The following APBB2 variants were observed in gnomAD, a reference collection of about 807,000 sequenced individuals.
The protein encoded by APBB2 is amyloid beta precursor protein binding family B member 2.
APBB2 carries 38 observed loss-of-function variants against 82.5 expected under a neutral mutation model. The observed-to-expected ratio is 0.46, with a 90% CI of 0.36 to 0.60. The LOEUF (loss-of-function observed/expected upper bound fraction) is 0.60. Among genes scored for constraint, APBB2 ranks in the 20% least tolerant of loss-of-function variants. The pLI, the probability that APBB2 is intolerant of heterozygous loss-of-function variation, is 0.00. For missense variants in APBB2, 772 were observed against 972.3 expected (o/e 0.79, Z 2.74); for synonymous variants, 341 against 368.2 (o/e 0.93, Z 0.85).
intron 12 of APBB2, among the ~76,000 whole-genome samples, chr4:40,865,358 A>G (rs1002042373): frequency 2.0e-5 from 3 of 152,208 alleles, no homozygotes; most frequent in African/African-American, 7.2e-5. Flanking sequence ...TCAGAAACTC[A>G]AGCTGAAACA....
At chr4:40,900,061 TA>T (rs1774832942) in intron 10 of APBB2, among the ~76,000 whole-genome samples, 3 of 152,174 alleles carry the variant, frequency 2.0e-5, no homozygotes, top group African/African-American at 7.2e-5. Context: ...TACCAGAACA[TA>T]TAACAACGTT....
At position 40,832,047 on chromosome 4, in the gene APBB2, CACACAT is replaced by C. The variant is rs1175110142; in HGVS notation, c.1530-1476_1530-1471del. 1.1e-4 allele frequency among the ~76,000 whole-genome samples: 17 copies of C among 151,624 alleles called. No individual in the cohort carries two copies. The highest frequency in any genetic ancestry group is 2.1e-4 in the South Asian group (1 of 4,808). On this transcript the variant is annotated intron_variant, in intron 12 of 17. Coordinates refer to ENST00000508593, the MANE Select transcript of APBB2 (RefSeq NM_004307.2). This position sits in a 1 kb window ranked among gnomAD's most constrained non-coding sequence, Gnocchi z 4.8. Reference sequence around the variant, plus strand: ...ACACACACACACACACACACACACACACACATATACACCAAGCTTTACCCATCTAGG... The same window carrying C: ...ACACACACACACACACACACACACACATACACCAAGCTTTACCCATCTAGG...
At chr4:40,849,383 T>C (rs539191461) in intron 12 of APBB2, among the ~76,000 whole-genome samples, 1 of 152,364 alleles carries the variant, frequency 6.6e-6, no homozygotes, top group African/African-American at 2.4e-5. Flanking sequence ...ACTAGATTCC[T>C]TCCTTGGAAC....
At chr4:40,898,154 CA>C (rs1774224619) in intron 10 of APBB2, among the ~76,000 whole-genome samples, 2 of 152,168 alleles carry the variant, frequency 1.3e-5, no homozygotes, top group South Asian at 4.1e-4. Flanking sequence ...ATAATAATGC[CA>C]CCTATACTTT....
chr4:41,114,433 A>G (rs1475697675), intron 2 of APBB2, among the ~76,000 whole-genome samples: 1 of 152,226 alleles, frequency 6.6e-6, no homozygotes, highest in Admixed American at 6.5e-5. Context: ...GCCCTCTCTC[A>G]TCACTCGTAT....
intron 3 of APBB2, among the ~76,000 whole-genome samples, chr4:41,066,675 G>A (rs1731971458): frequency 6.6e-6 from 1 of 152,208 alleles, no homozygotes; most frequent in Non-Finnish European, 1.5e-5. Flanking sequence ...CGATGGAAAA[G>A]GGAAAGGTAA....
intron 3 of APBB2, among the ~76,000 whole-genome samples, chr4:41,066,302 C>T (rs1470953415): frequency 1.3e-5 from 2 of 152,170 alleles, no homozygotes; most frequent in Non-Finnish European, 2.9e-5. Flanking sequence ...GTGACTCCTA[C>T]GCAGAAATTA....
intron 7 of APBB2, among the ~76,000 whole-genome samples, chr4:40,943,141 A>G (rs1346654745): frequency 6.6e-6 from 1 of 152,010 alleles, no homozygotes; most frequent in African/African-American, 2.4e-5. Flanking sequence ...AAGTGAGAAG[A>G]CCTCTGACCT....
At chr4:41,165,363 C>T (rs946646611) in intron 1 of APBB2, among the ~76,000 whole-genome samples, 19 of 152,158 alleles carry the variant, frequency 1.2e-4, no homozygotes, top group Admixed American at 1.1e-3. Context: ...AGTCAGAGGC[C>T]ACAGGTAGAA....
intron 6 of APBB2, among the ~76,000 whole-genome samples, chr4:40,981,678 C>G (rs1368498598): frequency 3.9e-5 from 6 of 152,140 alleles, no homozygotes; most frequent in Non-Finnish European, 7.4e-5. Flanking sequence ...GATGATGTAC[C>G]TCATGTGGTC....
chr4:40,991,446 A>G (rs951729551), intron 6 of APBB2, among the ~76,000 whole-genome samples: 2 of 152,168 alleles, frequency 1.3e-5, no homozygotes, highest in Admixed American at 6.5e-5. Flanking sequence ...AATTAAGACT[A>G]TAACTTTCAA....
rs1266611473 is a variant in APBB2, at chr4:40,810,100, A to G, written c.*5992T>C. 2 of 152,230 alleles carry G rather than the reference A, an allele frequency of 1.3e-5. No individual in the cohort carries two copies. Among genetic ancestry groups the G allele is most frequent in the Non-Finnish European group, 1.5e-5 (1 of 68,034 alleles). The allele number at this position is 152,230 out of a possible 1,614,324, so 9.4% of individuals were successfully genotyped here. A position where few individuals can be genotyped will look rare whatever the true frequency, so the allele number is the denominator to read the frequency against. On this transcript the variant is annotated 3_prime_UTR_variant, in exon 18 of 18. Transcript: ENST00000508593. ...TGTTACATAAATTCCTAAATGCTCA[A>G]TTCAGGTGGCATGATTTTTAGAATA...
At chr4:40,985,085 T>C (rs1248780929) in intron 6 of APBB2, among the ~76,000 whole-genome samples, 1 of 147,606 alleles carries the variant, frequency 6.8e-6, no homozygotes, top group Non-Finnish European at 1.5e-5. Context: ...ACCCAGCTAA[T>C]TTTTTTTTTT....
At chr4:41,175,486 T>A (rs956284565) in intron 1 of APBB2, among the ~76,000 whole-genome samples, 2 of 152,096 alleles carry the variant, frequency 1.3e-5, no homozygotes, top group Non-Finnish European at 2.9e-5. Flanking sequence ...CCACAAAAGA[T>A]TGGAAATAAA....
At chr4:41,138,116 G>A (rs1024096390) in intron 2 of APBB2, 3 of 152,212 alleles carry the variant, frequency 2.0e-5, no homozygotes, top group Non-Finnish European at 2.9e-5. Flanking sequence ...GCTGTGAGCC[G>A]AGATCACGTC....
At chr4:41,137,555 A>C (rs2154014722) in intron 2 of APBB2, among the ~76,000 whole-genome samples, 1 of 152,342 alleles carries the variant, frequency 6.6e-6, no homozygotes, top group South Asian at 2.1e-4. Context: ...AAGGTACAAC[A>C]GTGTTTTTTA....
At chr4:41,033,625 T>A (rs1579415508) in intron 4 of APBB2, among the ~76,000 whole-genome samples, 3 of 83,772 alleles carry the variant, frequency 3.6e-5, no homozygotes, top group Admixed American at 1.2e-4. Flanking sequence ...CACACACAAT[T>A]CAGCACCACT....
chr4:41,097,576 A>G (rs1236910410), intron 3 of APBB2, among the ~76,000 whole-genome samples: 1 of 152,236 alleles, frequency 6.6e-6, no homozygotes, highest in Admixed American at 6.5e-5. Context: ...GTTACCAAAA[A>G]ACTTGCTGCA....
intron 6 of APBB2, among the ~76,000 whole-genome samples, chr4:40,946,486 T>C (rs187165174): frequency 1.7e-4 from 26 of 152,220 alleles, no homozygotes; most frequent in African/African-American, 6.3e-4. Context: ...ATTCCCATCA[T>C]ATCTGGCCTT....
Sources: allele counts gnomAD v4.1 joint callset (sites outside exome capture counted in the v4.1 genomes callset), GRCh38; gene constraint gnomAD v4.1.1; non-coding constraint Gnocchi (gnomAD v3.1); transcripts MANE v1.5; gene names NCBI Gene and HGNC (gene_info 2026-07-23, HGNC 2026-07-21).